RER1: variants seen among roughly 807,000 people sequenced by gnomAD.
RER1 encodes the protein protein RER1.
A neutral mutation model predicts 28.3 loss-of-function variants in RER1; 6 were observed. The observed-to-expected ratio is 0.21, with a 90% confidence interval of 0.12 to 0.42. RER1 has a LOEUF of 0.42. RER1 is among the 10% of genes least tolerant of loss of function. RER1 has a pLI of 1.00. For missense variants in RER1, 159 were observed against 252.9 expected, an observed-to-expected ratio of 0.63 and a Z score of 2.52; for synonymous variants, 110 against 95.9, an observed-to-expected ratio of 1.15 and a Z score of -0.86.
Position 2,397,166 on chromosome 1 carries a change from G to A in RER1, c.132G>A (p.Trp44Ter). ...CCACACCCTACACGGCTGTGCGATG[G>A]GTCGTGACACTGGGCCTGAGCTTTG... ...DKSTPYTAVR[W>*]VVTLGLSFVY... is the part of the protein sequence containing the mutation. The change falls in exon 3 of 7, where the codon TGG (tryptophan) becomes TGA (stop). Residue 44 changes from tryptophan to a stop codon, truncating the protein, a stop_gained. Coordinates refer to ENST00000605895, the MANE Select transcript of RER1 (RefSeq NM_007033.5). LOFTEE classifies it high-confidence loss of function. The A allele has an allele frequency of 6.2e-7, 1 of 1,614,094 alleles. No individual in the cohort carries two copies. Among genetic ancestry groups the A allele is most frequent in the South Asian group, 1.1e-5 (1 of 91,082 alleles).
At chr1:2,395,475 G>GC (rs1642755876) in intron 1 of RER1, 1 of 375,878 alleles carries the variant, frequency 2.7e-6, no homozygotes, top group African/African-American at 2.1e-5. Flanking sequence ...GGACCCCATG[G>GC]CCAGCAAGGC....
At chr1:2,401,348 C>T (rs1570084187) in intron 5 of RER1, among the ~76,000 whole-genome samples, 2 of 6,896 alleles carry the variant, frequency 2.9e-4, no homozygotes, top group Non-Finnish European at 7.1e-4. Flanking sequence ...CCTTCTCCCT[C>T]CTTCCTCCCT....
At position 2,403,308 on chromosome 1, in the gene RER1, C is replaced by T; in HGVS notation, c.*184C>T. Reference sequence around the variant, plus strand: ...AGAAACTGGCGCTTAAACCAAATCGCATGGATTTCTTTTTCAGTGACGTTC... The same window carrying T: ...AGAAACTGGCGCTTAAACCAAATCGTATGGATTTCTTTTTCAGTGACGTTC... On this transcript the variant is annotated 3_prime_UTR_variant, in exon 7 of 7. Coordinates refer to ENST00000605895, the MANE Select transcript of RER1 (RefSeq NM_007033.5). 1 of 560,594 alleles carries T rather than the reference C, an allele frequency of 1.8e-6. No homozygotes were observed. The highest frequency in any genetic ancestry group is 3.2e-6 in the Non-Finnish European group (1 of 311,278). The allele number at this position is 560,594 out of a possible 1,614,324, so 34.7% of individuals were successfully genotyped here.
Position 2,405,266 on chromosome 1 carries a change from C to T in RER1, c.*2142C>T, listed in dbSNP as rs893890794. ...CCAGCCGCCCTCGGGGAGAGCAGCG[C>T]CGCCTCCCATGGGGCCGTGGGGCTG... On this transcript the variant is annotated 3_prime_UTR_variant, in exon 7 of 7. Coordinates refer to ENST00000605895, the MANE Select transcript of RER1 (RefSeq NM_007033.5). 3.5e-5 allele frequency: 10 copies of T among 283,200 alleles called. No homozygotes were observed. The Admixed American group carries it at 5.0e-4, about 14-fold the overall frequency. The allele number at this position is 283,200 out of a possible 1,614,324, so 17.5% of individuals were successfully genotyped here.
chr1:2,402,145 C>T (rs761479002), intron 5 of RER1, 62 bp from the exon 6 acceptor site: 16 of 1,613,858 alleles, frequency 9.9e-6, no homozygotes, highest in South Asian at 8.8e-5. Flanking sequence ...AGGCTGGAGG[C>T]GGCCGGCAGG....
intron 5 of RER1, chr1:2,401,964 G>C: frequency 6.9e-7 from 1 of 1,443,590 alleles, no homozygotes; most frequent in Non-Finnish European, 9.2e-7. Context: ...ACTTTGTGTA[G>C]TTTTAAGAAG....
At position 2,405,080 on chromosome 1, in the gene RER1, G is replaced by C. The variant is rs41310349; in HGVS notation, c.*1956G>C. 4.3e-3 allele frequency: 687 copies of C among 160,808 alleles called. 1 individual carries two copies. Among genetic ancestry groups the C allele is most frequent in the Non-Finnish European group, 6.5e-3 (467 of 72,394 alleles). 10.0% of individuals were successfully genotyped at this position (160,808 alleles called of 1,614,324 possible). A position where few individuals can be genotyped will look rare whatever the true frequency, so the allele number is the denominator to read the frequency against. ...GTCTGGGTCAGGAAGAGACCTCTCT[G>C]TGCGTCTCAGGCTGAGATGCAGATT... On this transcript the variant is annotated 3_prime_UTR_variant, in exon 7 of 7. Transcript: ENST00000605895.
chr1:2,395,748 C>A, intron 1 of RER1, 36 bp from the exon 2 acceptor site: 2 of 1,473,100 alleles, frequency 1.4e-6, no homozygotes, highest in Non-Finnish European at 1.9e-6. Flanking sequence ...CCCGTGAATG[C>A]TTTTTACTGA....
At chr1:2,398,960 C>T (rs185970055) in intron 3 of RER1, among the ~76,000 whole-genome samples, 13 of 152,324 alleles carry the variant, frequency 8.5e-5, no homozygotes, top group African/African-American at 3.1e-4. Context: ...TCAGCCAGCA[C>T]GCCTCCAGTC....
rs755651971 is a variant in RER1 at position 2,399,423 on chromosome 1, C to T, written c.195C>T (p.Tyr65=). The part of the protein sequence containing the change: ...MIRVYLLQGW[Y]IVTYALGIYH... ...CTTTCCTTCTCTTTCAGGGTTGGTA[C>T]ATTGTGACCTATGCCTTGGGGATCT... Residue 65 remains tyrosine (Y), a synonymous_variant, in exon 4 of 7, where the codon TAC becomes TAT. Coordinates refer to ENST00000605895, the MANE Select transcript of RER1 (RefSeq NM_007033.5). 1 of 1,606,448 alleles carries T rather than the reference C, an allele frequency of 6.2e-7. No homozygotes were observed. The highest frequency in any genetic ancestry group is 2.2e-5 in the East Asian group (1 of 44,846).
In RER1 at chr1:2,403,011, C is replaced by CT. The variant is rs1570088267; in HGVS notation, c.502-23dup. On this transcript the variant is annotated intron_variant, in intron 6 of 6. Transcript: ENST00000605895. ...TGACTGGAGAGCGGTTGTGCAGTAA[C>CT]TGAGTCTGTGTTTCTCTCCCCAGCA... The CT allele has an allele frequency of 1.4e-5, 22 of 1,598,160 alleles. No homozygotes were observed. The East Asian group carries it at 4.9e-4, about 36-fold the overall frequency.
At chr1:2,403,011 CTG>C (rs1642895724) in intron 6 of RER1, 22 bp from the exon 7 acceptor site, 1 of 1,598,162 alleles carries the variant, frequency 6.3e-7, no homozygotes, top group Non-Finnish European at 8.6e-7. Flanking sequence ...TGTGCAGTAA[CTG>C]AGTCTGTGTT....
chr1:2,396,629 A>T (rs1283591452), intron 2 of RER1, among the ~76,000 whole-genome samples: 3 of 152,254 alleles, frequency 2.0e-5, no homozygotes, highest in Admixed American at 1.3e-4. Context: ...GGTCATGTCC[A>T]CAGCCGCCTG....
chr1:2,403,476 G>A lies in RER1; in HGVS notation c.*352G>A, dbSNP rs1380093674. 1.3e-5 allele frequency: 4 copies of A among 299,744 alleles called. No individual in the cohort carries two copies. The highest frequency in any genetic ancestry group is 2.2e-5 in the African/African-American group (1 of 44,708). The allele number at this position is 299,744 out of a possible 1,614,324, so 18.6% of individuals were successfully genotyped here. The stretch of plus-strand genomic sequence containing the variant: ...AAGGCCTGCGAGGGAGGAACGGGCC[G>A]CTCCCCGCCAGCCGCCTTCCCCAGC... On this transcript the variant is annotated 3_prime_UTR_variant, in exon 7 of 7. Coordinates refer to ENST00000605895, the MANE Select transcript of RER1 (RefSeq NM_007033.5).
At chr1:2,402,909 G>A in intron 6 of RER1, 126 bp from the exon 7 acceptor site, 3 of 747,348 alleles carry the variant, frequency 4.0e-6, no homozygotes, top group South Asian at 3.4e-5. Flanking sequence ...GGAAGCCACT[G>A]GGGCTCCGAT....
chr1:2,397,341 G>T, intron 3 of RER1, 121 bp downstream of exon 3: 1 of 694,302 alleles, frequency 1.4e-6, no homozygotes, highest in South Asian at 1.6e-5. Flanking sequence ...TCAATTTTCA[G>T]CTAAACGCCA....
intron 3 of RER1, 88 bp from the exon 4 acceptor site, chr1:2,399,327 T>C (rs927769758): frequency 3.5e-5 from 30 of 860,302 alleles, no homozygotes; most frequent in Non-Finnish European, 5.6e-5. Flanking sequence ...GTTAACAAAG[T>C]TGAGAGTGAA....
At chr1:2,399,184 T>C (rs1005097590) in intron 3 of RER1, among the ~76,000 whole-genome samples, 3 of 152,236 alleles carry the variant, frequency 2.0e-5, no homozygotes, top group Admixed American at 2.0e-4. Context: ...GCTTTGCTCA[T>C]TTGGGCCCTT....
At chr1:2,402,642 C>T (rs1175991963) in intron 6 of RER1, among the ~76,000 whole-genome samples, 1 of 152,196 alleles carries the variant, frequency 6.6e-6, no homozygotes, top group Non-Finnish European at 1.5e-5. Context: ...GTGCCCAGTG[C>T]CCCGCGCCAG....
Sources: gnomAD v4.1 joint callset for allele counts (sites outside exome capture counted in the v4.1 genomes callset) on GRCh38, gnomAD v4.1.1 for gene constraint, MANE v1.5 for transcripts, NCBI Gene and HGNC (gene_info 2026-07-23, HGNC 2026-07-21) for gene names.